Variants in RIPK4 observed in about 807,000 individuals in gnomAD.
RIPK4 encodes the protein receptor interacting serine/threonine kinase 4, also known as receptor-interacting serine/threonine-protein kinase 4.
In RIPK4, 17 loss-of-function variants were observed where a neutral mutation model predicts 42.9. The observed-to-expected ratio is 0.40, with a 90% CI of 0.27 to 0.59. RIPK4 has a LOEUF of 0.59. Ranked by LOEUF, RIPK4 falls within the 20% of genes least tolerant of loss-of-function variation. The pLI is 0.47. For synonymous variants in RIPK4, 498 were observed against 499.1 expected (o/e 1.00, Z 0.03); for missense variants, 897 against 1,104.4 (o/e 0.81, Z 2.66).
chr21:41,747,882 A>G (rs2061176684), intron 4 of RIPK4, among the ~76,000 whole-genome samples: 1 of 152,216 alleles, frequency 6.6e-6, no homozygotes, highest in African/African-American at 2.4e-5. Flanking sequence ...GAATTTGAAA[A>G]ATCAGACCTT....
In RIPK4 at chr21:41,755,377, C is replaced by T. The variant is rs1007918312; in HGVS notation, c.474+1148G>A. On this transcript the variant is annotated intron_variant, in intron 2 of 7. Coordinates refer to ENST00000332512, the MANE Select transcript of RIPK4 (RefSeq NM_020639.3). The surrounding 1 kb of genome is among the most constrained non-coding windows in gnomAD (Gnocchi z 4.2). ...AGTGAAAAATTGACCTCCTCACCACCGCCCTGGCTGAGCAAGGCACGCGAG... is the reference window on the plus strand; with the variant it reads ...AGTGAAAAATTGACCTCCTCACCACTGCCCTGGCTGAGCAAGGCACGCGAG... 4.6e-5 allele frequency among the ~76,000 whole-genome samples: 7 copies of T among 152,180 alleles called. No homozygotes were observed. The highest frequency in any genetic ancestry group is 1.4e-4 in the African/African-American group (6 of 41,428).
chr21:41,746,701 G>A lies in RIPK4; in HGVS notation c.744C>T (p.Cys248=). 6.2e-7 allele frequency: 1 copy of A among 1,610,342 alleles called. No individual in the cohort carries two copies. ...GGCTGCAGGCGCGCGGCCGGGCTCTGCACACGGGCGGCAGCTCGGGGCGGT... is the reference window on the plus strand; with the variant it reads ...GGCTGCAGGCGCGCGGCCGGGCTCTACACACGGGCGGCAGCTCGGGGCGGT... ...KGHRPELPPV[C]RARPRACSHL... is the part of the protein sequence containing the mutation. Residue 248 remains cysteine (C), a synonymous_variant, in exon 5 of 8, where the codon TGC becomes TGT. Transcript: ENST00000332512.
At chr21:41,746,530 C>G (rs1205444044) in intron 5 of RIPK4, 83 bp downstream of exon 5, 1 of 1,522,688 alleles carries the variant, frequency 6.6e-7, no homozygotes, top group African/African-American at 1.4e-5. Flanking sequence ...TCACCCAGGC[C>G]TGGTCCCTCA....
intron 1 of RIPK4, among the ~76,000 whole-genome samples, chr21:41,757,815 A>G (rs2061208381): frequency 6.6e-6 from 1 of 151,464 alleles, no homozygotes; most frequent in African/African-American, 2.4e-5. Context: ...CCTGATCAAC[A>G]TGGTGAAACC....
chr21:41,750,691 T>A (rs1407567026), intron 3 of RIPK4, among the ~76,000 whole-genome samples: 2 of 152,144 alleles, frequency 1.3e-5, no homozygotes, highest in Admixed American at 6.5e-5. Context: ...TCTGTTTGTT[T>A]GTTTTTTAGA....
At chr21:41,753,077 GA>G (rs905521191) in intron 2 of RIPK4, among the ~76,000 whole-genome samples, 1 of 152,032 alleles carries the variant, frequency 6.6e-6, no homozygotes, top group Non-Finnish European at 1.5e-5. Flanking sequence ...TTGAATGTAG[GA>G]AAAAAATATC....
At chr21:41,760,243 T>C (rs1056594124) in intron 1 of RIPK4, among the ~76,000 whole-genome samples, 13 of 152,216 alleles carry the variant, frequency 8.5e-5, no homozygotes, top group South Asian at 2.1e-4. Flanking sequence ...ACCTGACCTA[T>C]ATTTTAAGCA....
chr21:41,746,081 C>T (rs762815376), intron 5 of RIPK4: 22 of 706,494 alleles, frequency 3.1e-5, no homozygotes, highest in East Asian at 1.1e-4. Flanking sequence ...AGACTCAAGG[C>T]GGAAGCCTTC....
rs897823429 is a variant in RIPK4 at position 41,754,104 on chromosome 21, T to C, written c.474+2421A>G. Among the ~76,000 whole-genome samples, 28 of 152,156 alleles carry C rather than the reference T, an allele frequency of 1.8e-4. 1 individual carries two copies. The highest frequency in any genetic ancestry group is 1.7e-3 in the South Asian group (8 of 4,830). ...TCAGAGGCGAATGGCAGCACTGGAA[T>C]GGCAACTTAGGATCTAATTGCAGGA... On this transcript the variant is annotated intron_variant, in intron 2 of 7. Transcript: ENST00000332512.
At chr21:41,752,753 T>G (rs2061192244) in intron 2 of RIPK4, among the ~76,000 whole-genome samples, 1 of 152,078 alleles carries the variant, frequency 6.6e-6, no homozygotes, top group African/African-American at 2.4e-5. Context: ...AGCCTTCAAA[T>G]TCAGAAATGG....
chr21:41,767,033 G>T lies in RIPK4; in HGVS notation c.9C>A (p.Gly3=), dbSNP rs775138602. 31 of 1,572,340 alleles carry T rather than the reference G, an allele frequency of 2.0e-5. No homozygotes were observed. The highest frequency in any genetic ancestry group is 2.7e-5 in the Non-Finnish European group (31 of 1,163,182). The change falls in exon 1 of 8, where the codon GGC becomes GGA. Residue 3 remains glycine (G), a synonymous_variant. Coordinates refer to ENST00000332512, the MANE Select transcript of RIPK4 (RefSeq NM_020639.3). The surrounding 1 kb of genome is among the most constrained non-coding windows in gnomAD (Gnocchi z 4.0). The stretch of plus-strand genomic sequence containing the variant: ...CCAGGGCCCATGGGGTCCCGCCGTC[G>T]CCCTCCATCGCGCACGTCTAGCCAG... The part of the protein sequence containing the change: ME[G]DGGTPWALAL...
chr21:41,744,242 G>T (rs935483741), intron 6 of RIPK4, 102 bp from the exon 7 acceptor site: 3 of 1,153,220 alleles, frequency 2.6e-6, no homozygotes, highest in South Asian at 3.2e-5. Flanking sequence ...ACGGGAGGGA[G>T]ATGGGGGAGG....
chr21:41,741,264 C>G lies in RIPK4; in HGVS notation c.1929G>C (p.Val643=). 1 of 1,608,586 alleles carries G rather than the reference C, an allele frequency of 6.2e-7. No homozygotes were observed. Among genetic ancestry groups the G allele is most frequent in the Middle Eastern group, 1.7e-4 (1 of 6,058 alleles). ...TGCTCGTGTGCCCCGTCTCCGCGGC[C>G]ACGTGCAGGGGTGTCTGTGCCAGCA... ...CSLLAQTPLH[V]AAETGHTSTA... The change falls in exon 8 of 8, where the codon GTG becomes GTC. Residue 643 remains valine (V), a synonymous_variant. Transcript: ENST00000332512.
At chr21:41,753,099 G>C (rs13048907) in intron 2 of RIPK4, among the ~76,000 whole-genome samples, 16 of 152,156 alleles carry the variant, frequency 1.1e-4, no homozygotes, top group Admixed American at 1.0e-3. Context: ...TCCCTCCCAC[G>C]GTTAGTTAAG....
At chr21:41,758,167 G>A (rs2061210983) in intron 1 of RIPK4, among the ~76,000 whole-genome samples, 2 of 146,068 alleles carry the variant, frequency 1.4e-5, no homozygotes, top group African/African-American at 5.1e-5. Context: ...TCACAATGTG[G>A]TACAACCATC....
In RIPK4 at chr21:41,741,233, T is replaced by A; in HGVS notation, c.1960A>T (p.Arg654Trp). 1.2e-6 allele frequency: 2 copies of A among 1,609,438 alleles called. No individual in the cohort carries two copies. Among genetic ancestry groups the A allele is most frequent in the Non-Finnish European group, 1.7e-6 (2 of 1,178,890 alleles). The change falls in exon 8 of 8, where the codon AGG (arginine) becomes TGG (tryptophan). Residue 654 changes from arginine (R) to tryptophan (W), a missense_variant. Physicochemically the swap from Arg to Trp is moderately radical, Grantham distance 101 (BLOSUM62 -3). Coordinates refer to ENST00000332512, the MANE Select transcript of RIPK4 (RefSeq NM_020639.3). ...AAETGHTSTARLLLHRGAGKE... is the reference protein window; with the variant it reads ...AAETGHTSTAWLLLHRGAGKE... ...CCAGCGCCCCGATGCAGGAGCAGCC[T>A]GGCAGTGCTCGTGTGCCCCGTCTCC...
chr21:41,754,138 T>C (rs1007322924), intron 2 of RIPK4, among the ~76,000 whole-genome samples: 9 of 152,110 alleles, frequency 5.9e-5, no homozygotes, highest in Non-Finnish European at 1.0e-4. Context: ...GATTCTGGAT[T>C]ACAGTTTTCC....
At chr21:41,752,131 C>T (rs187002958) in intron 2 of RIPK4, among the ~76,000 whole-genome samples, 5 of 152,248 alleles carry the variant, frequency 3.3e-5, no homozygotes, top group African/African-American at 7.2e-5. Context: ...TGCTGAAAAC[C>T]GTATGTGGGA....
At position 41,755,185 on chromosome 21, in the gene RIPK4, G is replaced by A. The variant is rs1040950795; in HGVS notation, c.474+1340C>T. Among the ~76,000 whole-genome samples the A allele has an allele frequency of 3.3e-5, 5 of 152,310 alleles. No homozygotes were observed. The highest frequency in any genetic ancestry group is 7.2e-5 in the African/African-American group (3 of 41,578). ...GAATCCCAGGGGTCCCAGAACATAA[G>A]CAGATGCGGGAAACCACCAGAGAGC... On this transcript the variant is annotated intron_variant, in intron 2 of 7. Transcript: ENST00000332512. This position sits in a 1 kb window ranked among gnomAD's most constrained non-coding sequence, Gnocchi z 4.2.
Sources: allele counts gnomAD v4.1 joint callset (sites outside exome capture counted in the v4.1 genomes callset), GRCh38; gene constraint gnomAD v4.1.1; non-coding constraint Gnocchi (gnomAD v3.1); transcripts MANE v1.5; gene names NCBI Gene and HGNC (gene_info 2026-07-23, HGNC 2026-07-21).